The following TRPM3 variants were observed in gnomAD, a reference collection of about 807,000 sequenced individuals.
TRPM3 encodes the protein long transient receptor potential channel 3.
A neutral mutation model predicts 181.2 loss-of-function variants in TRPM3; 77 were observed. The ratio of observed to expected loss-of-function variants is 0.42; its 90% CI spans 0.35 to 0.51. The LOEUF (loss-of-function observed/expected upper bound fraction) is 0.51, where lower values mean the gene tolerates loss of function less well. Ranked by LOEUF, TRPM3 falls within the 20% of genes least tolerant of loss-of-function variation. The pLI, the probability that TRPM3 is intolerant of heterozygous loss-of-function variation, is 0.01. For missense variants in TRPM3, 1,759 were observed against 2,196.7 expected (o/e 0.80, Z 3.98); for synonymous variants, 745 against 796.4 (o/e 0.94, Z 1.09).
In TRPM3 at chr9:71,431,404, A is replaced by AT. The variant is rs2093951863; in HGVS notation, c.183+15248dup. Among the ~76,000 whole-genome samples, 7 of 152,228 alleles carry AT rather than the reference A, an allele frequency of 4.6e-5. No individual in the cohort carries two copies. The South Asian group carries it at 1.5e-3, about 32-fold the overall frequency. ...ATACAATTATATTGCCCTATTTTTA[A>AT]TTTTTTTCATTCAATAATTCTCCTC... On this transcript the variant is annotated intron_variant, in intron 1 of 24. Transcript: ENST00000357533.
intron 1 of TRPM3, among the ~76,000 whole-genome samples, chr9:71,226,009 T>TAAA: frequency 0.035 from 1,212 of 34,716 alleles, 146 homozygotes; most frequent in Non-Finnish European, 0.045. Context: ...CAACAAAAGG[T>TAAA]AAAAAAAAAA....
At chr9:71,039,729 C>G (rs1370130629) in intron 1 of TRPM3, among the ~76,000 whole-genome samples, 1 of 152,174 alleles carries the variant, frequency 6.6e-6, no homozygotes, top group East Asian at 1.9e-4. Context: ...TTTAACTTTT[C>G]TCTGTCTCAG....
intron 6 of TRPM3, among the ~76,000 whole-genome samples, chr9:70,813,971 CTTAT>C (rs1296886931): frequency 6.6e-6 from 1 of 152,132 alleles, no homozygotes; most frequent in Non-Finnish European, 1.5e-5. Context: ...ACAGCTATAC[CTTAT>C]TTATCTTGCT....
At chr9:71,217,275 C>T (rs1418141173) in intron 1 of TRPM3, among the ~76,000 whole-genome samples, 1 of 152,168 alleles carries the variant, frequency 6.6e-6, no homozygotes, top group Non-Finnish European at 1.5e-5. Flanking sequence ...AAAACATTCT[C>T]TCTCCTATAA....
At chr9:70,827,588 T>C (rs976570876) in intron 6 of TRPM3, 1 of 341,518 alleles carries the variant, frequency 2.9e-6, no homozygotes, top group East Asian at 5.1e-5. Flanking sequence ...CTTATCTGCA[T>C]ACACATACCC....
At chr9:71,120,764 G>A (rs1046231271) in intron 1 of TRPM3, among the ~76,000 whole-genome samples, 3 of 152,218 alleles carry the variant, frequency 2.0e-5, no homozygotes, top group African/African-American at 7.2e-5. Flanking sequence ...TAAAGGGAAA[G>A]TGGGTCGAAG....
chr9:70,890,588 CAT>C (rs2096183520), intron 1 of TRPM3, among the ~76,000 whole-genome samples: 1 of 151,704 alleles, frequency 6.6e-6, no homozygotes, highest in Admixed American at 6.6e-5. Flanking sequence ...CAGAAGAAAA[CAT>C]ATTTCGTAAA....
chr9:70,818,784 T>G (rs2092915632), intron 6 of TRPM3, among the ~76,000 whole-genome samples: 1 of 152,182 alleles, frequency 6.6e-6, no homozygotes. Flanking sequence ...ATACAGACAA[T>G]GACTTTTGTC....
intron 1 of TRPM3, among the ~76,000 whole-genome samples, chr9:70,879,378 T>C (rs543042524): frequency 1.3e-5 from 2 of 152,194 alleles, no homozygotes; most frequent in African/African-American, 4.8e-5. Flanking sequence ...AGAGAGGTAG[T>C]TGCAAATTAA....
At chr9:70,607,794 A>T (rs995746147) in intron 19 of TRPM3, among the ~76,000 whole-genome samples, 1 of 152,104 alleles carries the variant, frequency 6.6e-6, no homozygotes, top group Non-Finnish European at 1.5e-5. Flanking sequence ...TGCTCTCGGG[A>T]GTCTGTAAAC....
intron 1 of TRPM3, among the ~76,000 whole-genome samples, chr9:71,150,984 T>C (rs940504098): frequency 2.6e-5 from 4 of 152,116 alleles, no homozygotes; most frequent in Non-Finnish European, 4.4e-5. Context: ...GCAGAAGAGA[T>C]TAAATGGTGT....
chr9:71,137,920 C>T (rs768049450), intron 1 of TRPM3, among the ~76,000 whole-genome samples: 1 of 152,096 alleles, frequency 6.6e-6, no homozygotes, highest in Non-Finnish European at 1.5e-5. Flanking sequence ...AGTTCAAGAT[C>T]ATCCTGGCCA....
intron 1 of TRPM3, among the ~76,000 whole-genome samples, chr9:71,394,703 A>C (rs557752189): frequency 6.6e-6 from 1 of 152,352 alleles, no homozygotes; most frequent in Admixed American, 6.5e-5. Context: ...TCAGATCCAC[A>C]GTAAAGTTTT....
intron 21 of TRPM3, among the ~76,000 whole-genome samples, chr9:70,594,937 A>G (rs186603828): frequency 6.6e-6 from 1 of 152,194 alleles, no homozygotes; most frequent in Non-Finnish European, 1.5e-5. Context: ...GGATCAGTGC[A>G]TCAATTATTG....
chr9:70,880,172 C>T (rs1476096896), intron 1 of TRPM3, among the ~76,000 whole-genome samples: 1 of 152,086 alleles, frequency 6.6e-6, no homozygotes, highest in Non-Finnish European at 1.5e-5. Context: ...CTTAGGAAAG[C>T]TCTGGATTAT....
In TRPM3 at chr9:70,536,231, C is replaced by A; in HGVS notation, c.4882G>T (p.Gly1628Cys). 6.2e-7 allele frequency: 1 copy of A among 1,614,196 alleles called. No individual in the cohort carries two copies. Among genetic ancestry groups the A allele is most frequent in the South Asian group, 1.1e-5 (1 of 91,080 alleles). Reference protein sequence around the residue: ...RATIAISSQEGDNSERTLSNN... With the variant: ...RATIAISSQECDNSERTLSNN... ...GACAGGGTTCTCTCTGAGTTATCAC[C>A]CTCCTGGGAGGATATTGCAATGGTG... is the stretch of plus-strand genomic sequence containing the variant. Residue 1628 changes from glycine to cysteine, a missense_variant, in exon 26 of 26, where the codon GGT becomes TGT. Gly to Cys is a radical substitution (Grantham distance 159, BLOSUM62 -3). Around this residue, in one of 8 missense-constraint regions of TRPM3, gnomAD observed 612 missense variants for 590.0 expected, o/e 1.04. Transcript: ENST00000677713.
chr9:70,671,251 C>G (rs145937556), intron 9 of TRPM3, among the ~76,000 whole-genome samples: 3 of 152,146 alleles, frequency 2.0e-5, no homozygotes, highest in Admixed American at 6.5e-5. Context: ...TGAGGTCAAA[C>G]AATTTGCAGT....
chr9:70,833,151 AC>A (rs2131805606), intron 5 of TRPM3, among the ~76,000 whole-genome samples: 1 of 152,306 alleles, frequency 6.6e-6, no homozygotes, highest in South Asian at 2.1e-4. Context: ...CAGAATAGTG[AC>A]CTTTAATGTG....
intron 1 of TRPM3, among the ~76,000 whole-genome samples, chr9:71,407,211 T>C (rs57256095): frequency 0.02 from 3,042 of 152,188 alleles, 101 homozygotes; most frequent in African/African-American, 0.07. Flanking sequence ...ACCGGGTTCA[T>C]CTCATTAGGA....
Sources: gnomAD v4.1 joint callset for allele counts (sites outside exome capture counted in the v4.1 genomes callset) on GRCh38, gnomAD v4.1.1 for gene constraint, gnomAD v4.1.1 regional missense constraint, MANE v1.5 for transcripts, NCBI Gene and HGNC (gene_info 2026-07-23, HGNC 2026-07-21) for gene names.